Variants in CNGA2 observed in about 807,000 individuals in gnomAD.
CNGA2 encodes cyclic nucleotide gated channel subunit alpha 2.
CNGA2 carries 22 observed loss-of-function variants against 35.9 expected under a neutral mutation model. The observed-to-expected ratio is 0.61, with a 90% CI of 0.44 to 0.88. CNGA2 has a LOEUF of 0.88. CNGA2 is among the 40% of genes least tolerant of loss of function. The pLI, the probability that CNGA2 is intolerant of heterozygous loss-of-function variation, is 0.00. For missense variants in CNGA2, 555 were observed against 530.8 expected, an observed-to-expected ratio of 1.05 and a Z score of -0.45; for synonymous variants, 217 against 209.2, an observed-to-expected ratio of 1.04 and a Z score of -0.32.
At position 151,744,489 on chromosome X, in the gene CNGA2, C is replaced by T. The variant is rs756192921; in HGVS notation, c.1986C>T (p.Asp662=). The T allele has an allele frequency of 6.9e-6, 8 of 1,154,922 alleles. No individual in the cohort carries two copies. The South Asian group carries it at 8.1e-5, about 12-fold the overall frequency. ...ACAGCCCTGAGCTGGCTGCTGCTGA[C>T]GAGCCATAAGACCTGGGGCCCAACT... ...GMNSPELAAA[D]EP is the part of the protein sequence containing the mutation. Residue 662 remains aspartate, a synonymous_variant, in exon 7 of 7, where the codon GAC becomes GAT. Coordinates refer to ENST00000329903, the MANE Select transcript of CNGA2 (RefSeq NM_005140.3).
At chrX:151,739,288 G>A (rs2015278896) in intron 3 of CNGA2, among the ~76,000 whole-genome samples, 2 of 111,916 alleles carry the variant, frequency 1.8e-5, no homozygotes, top group Admixed American at 9.4e-5. Context: ...CTTGCTCTTC[G>A]CACCATCAAC....
At position 151,743,420 on chromosome X, in the gene CNGA2, C is replaced by T; in HGVS notation, c.917C>T (p.Thr306Ile). 1 of 1,210,651 alleles carries T rather than the reference C, an allele frequency of 8.3e-7. No homozygotes were observed. Among genetic ancestry groups the T allele is most frequent in the Non-Finnish European group, 1.1e-6 (1 of 895,292 alleles). ...AAATCCATAGGCTTTGGGGTCGACACCTGGGTTTACCCAAACATCACTGAC... is the reference window on the plus strand; with the variant it reads ...AAATCCATAGGCTTTGGGGTCGACATCTGGGTTTACCCAAACATCACTGAC... ...ISKSIGFGVDTWVYPNITDPE... is the reference protein window; with the variant it reads ...ISKSIGFGVDIWVYPNITDPE... The change falls in exon 7 of 7, where the codon ACC becomes ATC. Residue 306 changes from threonine to isoleucine, a missense_variant. By Grantham distance (89) the Thr-to-Ile change is moderately conservative (BLOSUM62 -1). Transcript: ENST00000329903.
In CNGA2 at chrX:151,743,360, T is replaced by C. The variant is rs1273223303; in HGVS notation, c.857T>C (p.Ile286Thr). 1 of 1,209,778 alleles carries C rather than the reference T, an allele frequency of 8.3e-7. No homozygotes were observed. ...SNLVLYILVI[I>T]HWNACIYYAI... ...CTTGTCCTCTACATCTTGGTCATCA[T>C]CCACTGGAATGCCTGCATCTATTAT... is the stretch of plus-strand genomic sequence containing the variant. The change falls in exon 7 of 7, where the codon ATC becomes ACC. Residue 286 changes from isoleucine (I) to threonine (T), a missense_variant. By Grantham distance (89) the Ile-to-Thr change is moderately conservative. Coordinates refer to ENST00000329903, the MANE Select transcript of CNGA2 (RefSeq NM_005140.3).
intron 6 of CNGA2, among the ~76,000 whole-genome samples, 160 bp from the exon 7 acceptor site, chrX:151,742,933 T>TATATATATATATATACATAC (rs2015321455): frequency 2.5e-5 from 2 of 80,908 alleles, no homozygotes; most frequent in African/African-American, 1.1e-4. Context: ...AGGATATATA[T>TATATATATATATATACATAC]ATATATATGT....
Position 151,745,354 on chromosome X carries a change from A to G in CNGA2, c.*856A>G, listed in dbSNP as rs2015366158. 8.9e-6 allele frequency: 1 copy of G among 111,764 alleles called. No individual in the cohort carries two copies. Among genetic ancestry groups the G allele is most frequent in the Non-Finnish European group, 1.9e-5 (1 of 53,164 alleles). The allele number at this position is 111,764 out of a possible 1,213,427, so 9.2% of individuals were successfully genotyped here. A position where few individuals can be genotyped will look rare whatever the true frequency, so the allele number is the denominator to read the frequency against. ...CTGTTCACATTCTCTCCCTCCCTTC[A>G]TTAATCCCTCTCTTTTCACCATATG... On this transcript the variant is annotated 3_prime_UTR_variant, in exon 7 of 7. Transcript: ENST00000329903.
At chrX:151,737,686 C>T (rs2015261400) in intron 1 of CNGA2, among the ~76,000 whole-genome samples, 1 of 111,925 alleles carries the variant, frequency 8.9e-6, no homozygotes, top group Non-Finnish European at 1.9e-5. Flanking sequence ...TGTCCCTCTC[C>T]TGCTCTGCGC....
Position 151,743,272 on chromosome X carries a change from T to A in CNGA2, c.769T>A (p.Phe257Ile), listed in dbSNP as rs1603011000. Residue 257 changes from phenylalanine (F) to isoleucine (I), a missense_variant, in exon 7 of 7, where the codon TTT becomes ATT. Transcript: ENST00000329903. ...FNRLLHFARM[F>I]EFFDRTETRT... Reference sequence around the variant, plus strand: ...CCGCCTGCTGCACTTTGCCCGCATGTTTGAGTTCTTTGACCGGACAGAGAC... The same window carrying A: ...CCGCCTGCTGCACTTTGCCCGCATGATTGAGTTCTTTGACCGGACAGAGAC... 1 of 1,208,221 alleles carries A rather than the reference T, an allele frequency of 8.3e-7. No individual in the cohort carries two copies. The highest frequency in any genetic ancestry group is 3.0e-5 in the East Asian group (1 of 33,670).
chrX:151,743,858 TGC>T lies in CNGA2; in HGVS notation c.1358_1359del (p.Arg453HisfsTer4). 8.3e-7 allele frequency: 1 copy of T among 1,211,512 alleles called. No individual in the cohort carries two copies. The highest frequency in any genetic ancestry group is 1.1e-6 in the Non-Finnish European group (1 of 895,506). On this transcript the variant is annotated frameshift_variant, in exon 7 of 7. Transcript: ENST00000329903. LOFTEE classifies it high-confidence loss of function. The stretch of plus-strand genomic sequence containing the variant: ...GTCCACTTGTCCACACTCAAGAAAG[TGC>T]GCATCTTCCATGATTGTGAGGCTGG...
At position 151,739,606 on chromosome X, in the gene CNGA2, AT is replaced by A. The variant is rs1247092054; in HGVS notation, c.251del (p.Phe84SerfsTer23). On this transcript the variant is annotated frameshift_variant, in exon 4 of 7. Transcript: ENST00000329903. LOFTEE classifies it high-confidence loss of function. Reference sequence around the variant, plus strand: ...ATCATCAGAGAATGGGCCAACAAGAATTTCCGAGAGGAGGAACCTAGGCCTG... The same window carrying A: ...ATCATCAGAGAATGGGCCAACAAGAATTCCGAGAGGAGGAACCTAGGCCTG... ...VGIIREWANK[N>X]FREEEPRPDS... The A allele has an allele frequency of 2.6e-5, 31 of 1,209,957 alleles. No individual in the cohort carries two copies. Among genetic ancestry groups the A allele is most frequent in the Non-Finnish European group, 3.2e-5 (29 of 895,262 alleles).
intron 6 of CNGA2, 110 bp from the exon 7 acceptor site, chrX:151,742,983 C>CATAT (rs35955120): frequency 5.2e-5 from 1 of 19,099 alleles, no homozygotes; most frequent in Non-Finnish European, 9.8e-5. Context: ...TATATATATA[C>CATAT]ATATATATGT....
chrX:151,742,227 G>T (rs978316729), intron 5 of CNGA2, among the ~76,000 whole-genome samples: 11 of 112,186 alleles, frequency 9.8e-5, no homozygotes, highest in African/African-American at 3.6e-4. Flanking sequence ...AAATCCTGTT[G>T]CCCTAGGTCA....
rs2124370838 is a variant in CNGA2 at position 151,743,020 on chromosome X, ATATATATG to A, written c.590-72_590-65del. 23 of 208,189 alleles carry A rather than the reference ATATATATG, an allele frequency of 1.1e-4. 5 individuals are homozygous for A. Among genetic ancestry groups the A allele is most frequent in the African/African-American group, 1.6e-4 (2 of 12,237 alleles). 17.2% of individuals were successfully genotyped at this position (208,189 alleles called of 1,213,427 possible). A position where few individuals can be genotyped will look rare whatever the true frequency, so the allele number is the denominator to read the frequency against. ...TATATATATATACACATATATATGT[ATATATATG>A]CACATATATATGTATATATATACCC... On this transcript the variant is annotated intron_variant, in intron 6 of 6. Transcript: ENST00000329903.
intron 1 of CNGA2, among the ~76,000 whole-genome samples, chrX:151,736,783 G>A (rs1227822869): frequency 1.8e-5 from 2 of 111,084 alleles, no homozygotes; most frequent in Non-Finnish European, 3.8e-5. Context: ...ACCTTAGAGA[G>A]GATGTGAACA....
chrX:151,742,992 G>A lies in CNGA2; in HGVS notation c.590-101G>A, dbSNP rs368441177. 508 of 59,017 alleles carry A rather than the reference G, an allele frequency of 8.6e-3. 40 individuals carry two copies. The African/African-American group carries it at 0.092, about 11-fold the overall frequency. 4.9% of individuals were successfully genotyped at this position (59,017 alleles called of 1,213,427 possible). On this transcript the variant is annotated intron_variant, in intron 6 of 6. Coordinates refer to ENST00000329903, the MANE Select transcript of CNGA2 (RefSeq NM_005140.3). Reference sequence around the variant, plus strand: ...TATATGTATATATATACATATATATGTGTATATATATATACACATATATAT... The same window carrying A: ...TATATGTATATATATACATATATATATGTATATATATATACACATATATAT...
intron 1 of CNGA2, among the ~76,000 whole-genome samples, chrX:151,737,797 C>T (rs1407263261): frequency 3.7e-5 from 4 of 108,213 alleles, no homozygotes; most frequent in African/African-American, 1.3e-4. Flanking sequence ...TTGCAGATGT[C>T]TGGCACATGC....
At chrX:151,739,462 C>T in intron 3 of CNGA2, 100 bp from the exon 4 acceptor site, 1 of 917,166 alleles carries the variant, frequency 1.1e-6, no homozygotes, top group Non-Finnish European at 1.5e-6. Context: ...CACTGTCCTT[C>T]TTTCATCTTC....
Position 151,743,834 on chromosome X carries a change from TC to T in CNGA2, c.1333del (p.His445ThrfsTer20). 3 of 1,211,661 alleles carry T rather than the reference TC, an allele frequency of 2.5e-6. No homozygotes were observed. Among genetic ancestry groups the T allele is most frequent in the Non-Finnish European group, 3.3e-6 (3 of 895,530 alleles). ...AKLRAEIAINVHLSTLKKVRI... is the reference protein window; with the variant it reads ...AKLRAEIAINXHLSTLKKVRI... ...CTCAGGGCTGAGATAGCCATCAATG[TC>T]CACTTGTCCACACTCAAGAAAGTGC... is the stretch of plus-strand genomic sequence containing the variant. On this transcript the variant is annotated frameshift_variant, in exon 7 of 7. Coordinates refer to ENST00000329903, the MANE Select transcript of CNGA2 (RefSeq NM_005140.3). LOFTEE classifies it high-confidence loss of function.
At chrX:151,735,592 C>T (rs749853952) in intron 1 of CNGA2, among the ~76,000 whole-genome samples, 39 of 111,622 alleles carry the variant, frequency 3.5e-4, no homozygotes, top group Non-Finnish European at 6.8e-4. Flanking sequence ...TGAACCTTCC[C>T]ATTCCACCCA....
At position 151,738,870 on chromosome X, in the gene CNGA2, G is replaced by T. The variant is rs769562221; in HGVS notation, c.194G>T (p.Gly65Val). The stretch of plus-strand genomic sequence containing the variant: ...GATGCCCCACAGCAGGGAAGGAGTG[G>T]CTTCCGCAGGTGGGTCCCACCACTA... ...DVDAPQQGRS[G>V]FRRIVRLVGI... is the part of the protein sequence containing the mutation. Residue 65 changes from glycine (G) to valine (V), a missense_variant, in exon 3 of 7, where the codon GGC becomes GTC. By Grantham distance (109) the Gly-to-Val change is moderately radical (BLOSUM62 -3). Transcript: ENST00000329903. 1.3e-4 allele frequency: 153 copies of T among 1,165,502 alleles called. No homozygotes were observed. Among genetic ancestry groups the T allele is most frequent in the Non-Finnish European group, 1.7e-4 (145 of 871,814 alleles).
Sources: allele counts gnomAD v4.1 joint callset (sites outside exome capture counted in the v4.1 genomes callset), GRCh38; gene constraint gnomAD v4.1.1; transcripts MANE v1.5; gene names NCBI Gene and HGNC (gene_info 2026-07-23, HGNC 2026-07-21).